The following GAS2 variants were observed in gnomAD, a reference collection of about 807,000 sequenced individuals.
GAS2 encodes the protein growth arrest-specific protein 2.
GAS2 carries 20 observed loss-of-function variants against 37.5 expected under a neutral mutation model. That is an observed-to-expected ratio of 0.53 (90% CI 0.37 to 0.77). The LOEUF (loss-of-function observed/expected upper bound fraction) is 0.77. Among genes scored for constraint, GAS2 ranks in the 30% least tolerant of loss-of-function variants. GAS2 has a pLI of 0.00. For missense variants in GAS2, 336 were observed against 373.4 expected, an observed-to-expected ratio of 0.90 and a Z score of 0.82; for synonymous variants, 144 against 132.2, an observed-to-expected ratio of 1.09 and a Z score of -0.61.
At chr11:22,700,181 A>G (rs909599817) in intron 3 of GAS2, among the ~76,000 whole-genome samples, 6 of 152,146 alleles carry the variant, frequency 3.9e-5, no homozygotes, top group Non-Finnish European at 7.4e-5. Context: ...TTTATGTTCT[A>G]TTCATCTGTG....
At chr11:22,741,091 C>G (rs1469370283) in intron 5 of GAS2, among the ~76,000 whole-genome samples, 1 of 152,176 alleles carries the variant, frequency 6.6e-6, no homozygotes, top group African/African-American at 2.4e-5. Context: ...TTCTGATTCT[C>G]TGCCATGTTT....
intron 1 of GAS2, among the ~76,000 whole-genome samples, chr11:22,651,228 A>C (rs896779409): frequency 5.3e-5 from 8 of 152,148 alleles, no homozygotes; most frequent in South Asian, 2.1e-4. Context: ...CTTTTCTTTA[A>C]GAATGTTGAA....
chr11:22,647,093 C>G (rs1347430259), intron 1 of GAS2, among the ~76,000 whole-genome samples: 1 of 128,550 alleles, frequency 7.8e-6, no homozygotes, highest in African/African-American at 3.0e-5. Context: ...CCACAACAGT[C>G]CCCAGAGTGT....
chr11:22,752,496 A>G (rs192521320), intron 6 of GAS2, among the ~76,000 whole-genome samples: 2 of 152,188 alleles, frequency 1.3e-5, no homozygotes, highest in East Asian at 3.9e-4. Context: ...TGTGAGGCAC[A>G]TATAGCAGTT....
At chr11:22,665,481 G>T (rs1194178616), upstream of GAS2, among the ~76,000 whole-genome samples, 1 of 152,054 alleles carries the variant, frequency 6.6e-6, no homozygotes, top group East Asian at 1.9e-4. Context: ...TGTATGTTTT[G>T]TTGTTATTTA....
At chr11:22,793,506 C>T (rs1856280732) in intron 7 of GAS2, among the ~76,000 whole-genome samples, 1 of 151,988 alleles carries the variant, frequency 6.6e-6, no homozygotes, top group African/African-American at 2.4e-5. Flanking sequence ...AGACTTTGTG[C>T]CCCAGAGAAA....
At chr11:22,780,836 T>C (rs1855525518) in intron 7 of GAS2, among the ~76,000 whole-genome samples, 1 of 152,140 alleles carries the variant, frequency 6.6e-6, no homozygotes, top group African/African-American at 2.4e-5. Context: ...TAGAATGTTT[T>C]TCTGATGAAA....
chr11:22,650,860 G>A (rs1232467749), intron 1 of GAS2, among the ~76,000 whole-genome samples: 2 of 151,428 alleles, frequency 1.3e-5, no homozygotes, highest in African/African-American at 4.8e-5. Context: ...GATGGATCTT[G>A]ACTCTTTATC....
intron 1 of GAS2, among the ~76,000 whole-genome samples, chr11:22,671,076 A>C (rs1849179639): frequency 6.6e-6 from 1 of 152,118 alleles, no homozygotes; most frequent in Admixed American, 6.5e-5. Flanking sequence ...GGATTCTGGG[A>C]CAACAAACTA....
chr11:22,669,782 G>A (rs1312048650), intron 1 of GAS2, among the ~76,000 whole-genome samples: 1 of 152,118 alleles, frequency 6.6e-6, no homozygotes, highest in Non-Finnish European at 1.5e-5. Context: ...TTTATGTTTG[G>A]TGCTTTTCAA....
chr11:22,782,382 A>G (rs1009631538), intron 7 of GAS2, among the ~76,000 whole-genome samples: 4 of 152,156 alleles, frequency 2.6e-5, no homozygotes, highest in East Asian at 1.9e-4. Flanking sequence ...TTGTGAACCA[A>G]TTGGAAAGTA....
chr11:22,788,547 G>C (rs992132305), intron 7 of GAS2, among the ~76,000 whole-genome samples: 2 of 152,118 alleles, frequency 1.3e-5, no homozygotes, highest in Non-Finnish European at 2.9e-5. Context: ...CTCATGGGTT[G>C]AGAACCACTG....
intron 1 of GAS2, among the ~76,000 whole-genome samples, chr11:22,641,223 T>A (rs776810784): frequency 4.8e-5 from 7 of 145,732 alleles, no homozygotes; most frequent in Admixed American, 2.8e-4. Context: ...TATATATGTG[T>A]GTGTGTATAT....
chr11:22,636,360 G>C (rs932627883), intron 1 of GAS2, among the ~76,000 whole-genome samples: 1 of 152,048 alleles, frequency 6.6e-6, no homozygotes, highest in Non-Finnish European at 1.5e-5. Context: ...CCTACCTCAC[G>C]GGCCCTGGTA....
At chr11:22,722,276 T>G (rs1023193698) in intron 3 of GAS2, among the ~76,000 whole-genome samples, 1 of 151,918 alleles carries the variant, frequency 6.6e-6, no homozygotes, top group African/African-American at 2.4e-5. Context: ...TCTTATAGGG[T>G]CAATCAACCA....
At chr11:22,767,090 G>A (rs1016224332) in intron 7 of GAS2, among the ~76,000 whole-genome samples, 6 of 151,978 alleles carry the variant, frequency 3.9e-5, no homozygotes, top group African/African-American at 1.2e-4. Flanking sequence ...TAGCAGTACG[G>A]ATATCTTTCT....
intron 1 of GAS2, among the ~76,000 whole-genome samples, chr11:22,645,579 G>C (rs948197096): frequency 6.6e-6 from 1 of 151,894 alleles, no homozygotes; most frequent in Admixed American, 6.6e-5. Context: ...TGTTTCTTTA[G>C]TGGGAAATAT....
intron 7 of GAS2, among the ~76,000 whole-genome samples, chr11:22,782,147 G>T (rs1487378670): frequency 2.0e-5 from 3 of 152,096 alleles, no homozygotes; most frequent in African/African-American, 7.2e-5. Context: ...TGACTGTTTT[G>T]TCACTTTGAG....
chr11:22,689,271 G>A (rs980336095), intron 3 of GAS2, among the ~76,000 whole-genome samples: 1 of 151,866 alleles, frequency 6.6e-6, no homozygotes, highest in East Asian at 1.9e-4. Flanking sequence ...TGTCCCCTCC[G>A]AACCTAAAAT....
Sources: allele counts gnomAD v4.1 joint callset (sites outside exome capture counted in the v4.1 genomes callset), GRCh38; gene constraint gnomAD v4.1.1; transcripts MANE v1.5; gene names NCBI Gene and HGNC (gene_info 2026-07-23, HGNC 2026-07-21).